The following DCPH1 variants were observed in gnomAD, a reference collection of about 807,000 sequenced individuals.
DCPH1 encodes the protein damage-control phosphatase 1.
At chr6:151,461,148 T>C in the DCPH1 span, among the ~76,000 whole-genome samples, 1 of 152,178 alleles carries the variant, frequency 6.6e-6, no homozygotes, top group South Asian at 2.1e-4. Context: ...TTTCCTAATT[T>C]TGGAAAATAT....
At chr6:151,456,496 A>G in the DCPH1 span, among the ~76,000 whole-genome samples, 1 of 152,218 alleles carries the variant, frequency 6.6e-6, no homozygotes, top group Non-Finnish European at 1.5e-5. Context: ...TTAGACACTG[A>G]CAATTATATT....
the DCPH1 span, chr6:151,452,681 G>GA: frequency 1.5e-6 from 2 of 1,314,172 alleles, no homozygotes; most frequent in Non-Finnish European, 2.1e-6. Context: ...TCCCCGGTGG[G>GA]CTGCGTTCGA....
At chr6:151,469,445 T>G in the DCPH1 span, 1 of 202,324 alleles carries the variant, frequency 4.9e-6, no homozygotes, top group Admixed American at 5.6e-5. Flanking sequence ...AGTTCTGCTT[T>G]TAGTTAGTTA....
chr6:151,465,159 T>G, the DCPH1 span, among the ~76,000 whole-genome samples: 1 of 152,228 alleles, frequency 6.6e-6, no homozygotes, highest in Non-Finnish European at 1.5e-5. Flanking sequence ...GGGTATTCAG[T>G]TGGCCCATTA....
chr6:151,467,944 G>A, the DCPH1 span, among the ~76,000 whole-genome samples: 1 of 152,198 alleles, frequency 6.6e-6, no homozygotes, highest in Non-Finnish European at 1.5e-5. Context: ...CAGTTCTGCA[G>A]GGCCAAGGAG....
the DCPH1 span, chr6:151,468,555 T>C: frequency 6.2e-7 from 1 of 1,613,758 alleles, no homozygotes; most frequent in African/African-American, 1.3e-5. Flanking sequence ...ATTCTGGATT[T>C]GAGCTTGTTA....
At chr6:151,460,424 A>G in the DCPH1 span, among the ~76,000 whole-genome samples, 1 of 151,022 alleles carries the variant, frequency 6.6e-6, no homozygotes, top group Non-Finnish European at 1.5e-5. Flanking sequence ...TTTTCATATC[A>G]CAATTTGTTG....
At chr6:151,463,729 T>C in the DCPH1 span, among the ~76,000 whole-genome samples, 4 of 152,216 alleles carry the variant, frequency 2.6e-5, no homozygotes, top group Admixed American at 1.3e-4. Context: ...AAAAAGTAGC[T>C]AATTTGGAAG....
chr6:151,460,651 G>T, the DCPH1 span, among the ~76,000 whole-genome samples: 1 of 151,788 alleles, frequency 6.6e-6, no homozygotes, highest in Non-Finnish European at 1.5e-5. Context: ...GGGCGCGGTG[G>T]TGCGCACCTG....
At chr6:151,463,405 C>T in the DCPH1 span, among the ~76,000 whole-genome samples, 6 of 152,088 alleles carry the variant, frequency 3.9e-5, no homozygotes, top group Non-Finnish European at 7.3e-5. Flanking sequence ...GAAATCACTC[C>T]GAGTGACTTT....
At chr6:151,466,317 A>G in the DCPH1 span, among the ~76,000 whole-genome samples, 1 of 151,742 alleles carries the variant, frequency 6.6e-6, no homozygotes, top group Admixed American at 6.6e-5. Flanking sequence ...CTGGCATGCT[A>G]GTTCTTGACT....
At chr6:151,459,534 G>A in the DCPH1 span, among the ~76,000 whole-genome samples, 1 of 152,204 alleles carries the variant, frequency 6.6e-6, no homozygotes, top group Non-Finnish European at 1.5e-5. Context: ...GCTCATGCCT[G>A]GAATCCCAAC....
At chr6:151,464,343 T>C in the DCPH1 span, 1 of 618,266 alleles carries the variant, frequency 1.6e-6, no homozygotes, top group South Asian at 2.4e-5. Flanking sequence ...TTATATCTAG[T>C]TTCTGTTAGC....
chr6:151,458,958 C>T, the DCPH1 span, among the ~76,000 whole-genome samples: 6 of 151,920 alleles, frequency 3.9e-5, no homozygotes, highest in Admixed American at 2.6e-4. Context: ...GCCAGCATAA[C>T]GAAACCCGTC....
chr6:151,460,749 A>G, the DCPH1 span, among the ~76,000 whole-genome samples: 1 of 151,524 alleles, frequency 6.6e-6, no homozygotes, highest in Non-Finnish European at 1.5e-5. Context: ...ACACCACTGC[A>G]CTCCAGCCTG....
the DCPH1 span, chr6:151,458,253 G>A: frequency 6.6e-7 from 1 of 1,510,180 alleles, no homozygotes; most frequent in South Asian, 1.3e-5. Context: ...TCTTAAGTCT[G>A]TAAAAATATG....
At chr6:151,466,634 A>G in the DCPH1 span, among the ~76,000 whole-genome samples, 2 of 152,342 alleles carry the variant, frequency 1.3e-5, no homozygotes, top group South Asian at 2.1e-4. Context: ...TTCTGGGGCT[A>G]CTGTGTCAAA....
the DCPH1 span, among the ~76,000 whole-genome samples, chr6:151,467,289 A>T: frequency 1.3e-5 from 2 of 151,428 alleles, no homozygotes; most frequent in Non-Finnish European, 2.9e-5. Context: ...TGGAACATGC[A>T]TTCTCCTTAT....
chr6:151,456,218 G>C, the DCPH1 span, among the ~76,000 whole-genome samples: 2 of 152,098 alleles, frequency 1.3e-5, no homozygotes, highest in African/African-American at 2.4e-5. Flanking sequence ...TAAACTTGTA[G>C]GTTCAGTAAT....
Sources: allele counts gnomAD v4.1 joint callset (sites outside exome capture counted in the v4.1 genomes callset), GRCh38; gene constraint gnomAD v4.1.1; transcripts MANE v1.5; gene names NCBI Gene and HGNC (gene_info 2026-07-23, HGNC 2026-07-21).